GABRG3: variants seen among roughly 807,000 people sequenced by gnomAD.
The protein encoded by GABRG3 is gamma-aminobutyric acid type A receptor subunit gamma3.
GABRG3 carries 25 observed loss-of-function variants against 48.8 expected under a neutral mutation model. The ratio of observed to expected loss-of-function variants is 0.51; its 90% CI spans 0.37 to 0.72. The LOEUF (loss-of-function observed/expected upper bound fraction) is 0.72, where lower values mean the gene tolerates loss of function less well. Ranked by LOEUF, GABRG3 falls within the 30% of genes least tolerant of loss-of-function variation. The pLI, the probability that GABRG3 is intolerant of heterozygous loss-of-function variation, is 0.00. For missense variants in GABRG3, 394 were observed against 577.9 expected (o/e 0.68, Z 3.26); for synonymous variants, 227 against 217.6 (o/e 1.04, Z -0.38).
At chr15:27,213,887 G>A (rs766434774) in intron 3 of GABRG3, among the ~76,000 whole-genome samples, 3 of 152,216 alleles carry the variant, frequency 2.0e-5, no homozygotes, top group South Asian at 4.1e-4. Flanking sequence ...GTGTTTGCTT[G>A]TTTGCAACCT....
intron 5 of GABRG3, among the ~76,000 whole-genome samples, chr15:27,380,456 A>T (rs1895731810): frequency 6.6e-6 from 1 of 151,440 alleles, no homozygotes; most frequent in Admixed American, 6.6e-5. Context: ...ATGCCTTATA[A>T]TTTTTTTTAT....
chr15:27,092,853 C>G (rs1401961355), intron 3 of GABRG3, among the ~76,000 whole-genome samples: 2 of 152,018 alleles, frequency 1.3e-5, no homozygotes, highest in African/African-American at 4.8e-5. Context: ...GAGTGTCCCC[C>G]CTGCAGCCCC....
At chr15:27,466,763 A>G (rs957853916) in intron 5 of GABRG3, among the ~76,000 whole-genome samples, 1 of 152,220 alleles carries the variant, frequency 6.6e-6, no homozygotes, top group Non-Finnish European at 1.5e-5. Context: ...AGGGACCCCA[A>G]GGGTAAGCAT....
In GABRG3 at chr15:27,328,904, A is replaced by C. The variant is rs1893711126; in HGVS notation, c.574+16A>C. 6.2e-7 allele frequency: 1 copy of C among 1,609,566 alleles called. No homozygotes were observed. Among genetic ancestry groups the C allele is most frequent in the South Asian group, 1.1e-5 (1 of 91,002 alleles). Reference sequence around the variant, plus strand: ...TTCTCCAGCTGTGAGTACCAGTCCAAGCCCGGGGTGTGCATGCTGTGTGAG... The same window carrying C: ...TTCTCCAGCTGTGAGTACCAGTCCACGCCCGGGGTGTGCATGCTGTGTGAG... On this transcript the variant is annotated intron_variant, in intron 5 of 9. Coordinates refer to ENST00000615808, the MANE Select transcript of GABRG3 (RefSeq NM_033223.5).
chr15:26,999,811 CTTTTA>C (rs901385540), intron 2 of GABRG3, among the ~76,000 whole-genome samples: 21 of 151,844 alleles, frequency 1.4e-4, no homozygotes, highest in African/African-American at 5.1e-4. Flanking sequence ...AAATATTTTT[CTTTTA>C]TTTAAGTTTT....
chr15:27,267,642 G>A (rs2140471383), intron 3 of GABRG3, among the ~76,000 whole-genome samples: 1 of 152,164 alleles, frequency 6.6e-6, no homozygotes, highest in African/African-American at 2.4e-5. Context: ...TCACTATATT[G>A]CCCAAGCTGA....
intron 2 of GABRG3, among the ~76,000 whole-genome samples, chr15:26,979,830 T>C (rs976085159): frequency 6.6e-6 from 1 of 152,238 alleles, no homozygotes; most frequent in East Asian, 1.9e-4. Context: ...ACTATTTTTT[T>C]GAGTCTTGGG....
chr15:27,407,217 C>T (rs549336572), intron 5 of GABRG3, among the ~76,000 whole-genome samples: 14 of 152,196 alleles, frequency 9.2e-5, no homozygotes, highest in East Asian at 1.9e-4. Context: ...TGAGCCACCG[C>T]GCTCGGCTCT....
intron 5 of GABRG3, among the ~76,000 whole-genome samples, chr15:27,389,045 G>A (rs1437343401): frequency 6.6e-6 from 1 of 152,114 alleles, no homozygotes; most frequent in Non-Finnish European, 1.5e-5. Flanking sequence ...TAATGTTCCT[G>A]CTGAACAGAG....
At chr15:26,987,073 T>C (rs1895165213) in intron 2 of GABRG3, among the ~76,000 whole-genome samples, 1 of 152,190 alleles carries the variant, frequency 6.6e-6, no homozygotes, top group Admixed American at 6.5e-5. Context: ...CTGGCTAACA[T>C]GGTGAAACCC....
intron 3 of GABRG3, among the ~76,000 whole-genome samples, chr15:27,079,547 G>A (rs1391763970): frequency 2.0e-5 from 3 of 152,056 alleles, no homozygotes; most frequent in Non-Finnish European, 4.4e-5. Flanking sequence ...AAGTCTTGGC[G>A]AGGGCTAACA....
chr15:27,326,744 G>A lies in GABRG3; in HGVS notation c.271-65G>A, dbSNP rs1234508909. Reference sequence around the variant, plus strand: ...TGGAGAGAACACAACGTTTGACAAAGAGAACAAATTATACAGAACATTTAT... The same window carrying A: ...TGGAGAGAACACAACGTTTGACAAAAAGAACAAATTATACAGAACATTTAT... On this transcript the variant is annotated intron_variant, in intron 3 of 9. Coordinates refer to ENST00000615808, the MANE Select transcript of GABRG3 (RefSeq NM_033223.5). 4.5e-6 allele frequency: 6 copies of A among 1,330,948 alleles called. No individual in the cohort carries two copies. The Middle Eastern group carries it at 5.5e-4, about 123-fold the overall frequency. The allele number at this position is 1,330,948 out of a possible 1,614,324, so 82.4% of individuals were successfully genotyped here.
At chr15:27,218,731 G>A (rs1426733334) in intron 3 of GABRG3, among the ~76,000 whole-genome samples, 2 of 152,098 alleles carry the variant, frequency 1.3e-5, no homozygotes, top group Non-Finnish European at 2.9e-5. Flanking sequence ...AAGGAAATGA[G>A]GTTTAGCATA....
intron 5 of GABRG3, among the ~76,000 whole-genome samples, chr15:27,368,052 C>T (rs1895270350): frequency 6.6e-6 from 1 of 152,168 alleles, no homozygotes; most frequent in Non-Finnish European, 1.5e-5. Context: ...CACTGCGGCC[C>T]CAGAATGGCC....
chr15:27,161,877 G>C (rs1887203755), intron 3 of GABRG3, among the ~76,000 whole-genome samples: 1 of 152,088 alleles, frequency 6.6e-6, no homozygotes, highest in South Asian at 2.1e-4. Context: ...ATAAACTAAA[G>C]GATGTGAAAC....
intron 3 of GABRG3, among the ~76,000 whole-genome samples, chr15:27,069,112 T>C (rs1052021821): frequency 2.8e-4 from 42 of 152,358 alleles, no homozygotes; most frequent in Non-Finnish European, 1.0e-4. Flanking sequence ...TTTTGTCAGC[T>C]TGCAGTTCTG....
chr15:27,012,551 A>G (rs1034766410), intron 2 of GABRG3, among the ~76,000 whole-genome samples: 1 of 152,124 alleles, frequency 6.6e-6, no homozygotes, highest in Non-Finnish European at 1.5e-5. Context: ...TCTTTGTAAT[A>G]CATTAGATGT....
At chr15:27,397,993 A>G (rs1887364931) in intron 5 of GABRG3, among the ~76,000 whole-genome samples, 1 of 151,782 alleles carries the variant, frequency 6.6e-6, no homozygotes, top group African/African-American at 2.4e-5. Context: ...TTTAGTTGAG[A>G]TGGGGTTTCA....
intron 3 of GABRG3, among the ~76,000 whole-genome samples, chr15:27,312,513 GAAAA>G (rs1893030199): frequency 6.6e-6 from 1 of 152,028 alleles, no homozygotes; most frequent in Non-Finnish European, 1.5e-5. Flanking sequence ...CCAAAAGTCA[GAAAA>G]AGAGAATTTC....
Sources: allele counts gnomAD v4.1 joint callset (sites outside exome capture counted in the v4.1 genomes callset), GRCh38; gene constraint gnomAD v4.1.1; transcripts MANE v1.5; gene names NCBI Gene and HGNC (gene_info 2026-07-23, HGNC 2026-07-21).